TTN: variants seen among roughly 807,000 people sequenced by gnomAD.
TTN encodes the protein titin.
TTN carries 1,525 observed loss-of-function variants against 3,223.0 expected under a neutral mutation model. That is an observed-to-expected ratio of 0.47 (90% CI 0.45 to 0.49). TTN has a LOEUF of 0.49. Ranked by LOEUF, TTN falls within the 20% of genes least tolerant of loss-of-function variation. TTN has a pLI of 0.00. For synonymous variants in TTN, 14,094 were observed against 15,161.0 expected, an observed-to-expected ratio of 0.93 and a Z score of 5.17; for missense variants, 40,786 against 43,424.0, an observed-to-expected ratio of 0.94 and a Z score of 5.40.
Position 178,593,708 on chromosome 2 carries a change from G to A in TTN, c.58592C>T (p.Thr19531Ile), listed in dbSNP as rs1258679826. ...GCATGTTGTTTTAGCACTTGCAGATGTCACTGGCATCCAGACGTCTTTACC... is the reference window on the plus strand; with the variant it reads ...GCATGTTGTTTTAGCACTTGCAGATATCACTGGCATCCAGACGTCTTTACC... The part of the protein sequence containing the change: ...EVGKDVWMPV[T>I]SASAKTTCKV... Residue 19531 changes from threonine (T) to isoleucine (I), a missense_variant, in exon 298 of 363, where the codon ACA (threonine) becomes ATA (isoleucine). Transcript: ENST00000589042. 1.2e-6 allele frequency: 2 copies of A among 1,613,308 alleles called. No individual in the cohort carries two copies. Among genetic ancestry groups the A allele is most frequent in the Middle Eastern group, 1.7e-4 (1 of 6,054 alleles).
chr2:178,730,954 C>G lies in TTN; in HGVS notation c.17711G>C (p.Ser5904Thr). 6.2e-7 allele frequency: 1 copy of G among 1,609,742 alleles called. No individual in the cohort carries two copies. The highest frequency in any genetic ancestry group is 1.3e-5 in the African/African-American group (1 of 74,848). Reference sequence around the variant, plus strand: ...TACATTAATTCTAGCCTTGCAGCTGCTCCTCCCAACATCATTTTGGACCTC... The same window carrying G: ...TACATTAATTCTAGCCTTGCAGCTGGTCCTCCCAACATCATTTTGGACCTC... Reference protein sequence around the residue: ...TFEVQNDVGRSSCKARINVLD... With the variant: ...TFEVQNDVGRTSCKARINVLD... The change falls in exon 60 of 363, where the codon AGC (serine) becomes ACC (threonine). Residue 5904 changes from serine to threonine, a missense_variant. By Grantham distance (58) the Ser-to-Thr change is moderately conservative. Coordinates refer to ENST00000589042, the MANE Select transcript of TTN (RefSeq NM_001267550.2).
Position 178,590,377 on chromosome 2 carries a change from C to A in TTN, c.61348G>T (p.Ala20450Ser). Residue 20450 changes from alanine (A) to serine (S), a missense_variant, in exon 304 of 363, where the codon GCT becomes TCT. Transcript: ENST00000589042. The stretch of plus-strand genomic sequence containing the variant: ...GGCTCACCCTCTCCTACAATATTAG[C>A]TGCCTTTATACGGAATCTGTACTCA... ...GNEYRFRIKA[A>S]NIVGEGEPRE... The A allele has an allele frequency of 6.3e-7, 1 of 1,586,870 alleles. No homozygotes were observed. Among genetic ancestry groups the A allele is most frequent in the Admixed American group, 1.7e-5 (1 of 57,162 alleles).
chr2:178,777,344 G>A (rs751486202), intron 26 of TTN, 27 bp from the exon 27 acceptor site: 3 of 1,613,410 alleles, frequency 1.9e-6, no homozygotes, highest in East Asian at 4.5e-5. Context: ...ATGATTTAGA[G>A]GGAGTAAGGC....
chr2:178,750,184 AGATG>A (rs1427056753), intron 47 of TTN: 1 of 1,613,112 alleles, frequency 6.2e-7, no homozygotes, highest in Non-Finnish European at 8.5e-7. Context: ...CTTGACTCAT[AGATG>A]GATGGGCGCC....
chr2:178,771,885 T>C (rs1222546260), intron 33 of TTN, among the ~76,000 whole-genome samples: 1 of 152,152 alleles, frequency 6.6e-6, no homozygotes, highest in Non-Finnish European at 1.5e-5. Flanking sequence ...ATGTTTCTAC[T>C]ACATTGAGGA....
In TTN at chr2:178,548,380, T is replaced by G; in HGVS notation, c.93246A>C (p.Glu31082Asp). Reference protein sequence around the residue: ...RQIFKVNDLAEGVPYYFRVSA... With the variant: ...RQIFKVNDLADGVPYYFRVSA... ...AAACACGGAAATAGTACGGAACACC[T>G]TCGGCCAGGTCATTGACCTTGAAGA... The change falls in exon 339 of 363, where the codon GAA becomes GAC. Residue 31082 changes from glutamate to aspartate, a missense_variant. Physicochemically the swap from Glu to Asp is conservative, Grantham distance 45. Transcript: ENST00000589042. This position sits in a 1 kb window ranked among gnomAD's most constrained non-coding sequence, Gnocchi z 4.3. 1 of 1,613,864 alleles carries G rather than the reference T, an allele frequency of 6.2e-7. No homozygotes were observed. The highest frequency in any genetic ancestry group is 1.3e-5 in the African/African-American group (1 of 75,028).
intron 47 of TTN, chr2:178,749,492 T>C: frequency 1.2e-6 from 2 of 1,612,910 alleles, no homozygotes; most frequent in Non-Finnish European, 1.7e-6. Context: ...CCTTACTGAA[T>C]ATTCTTTTAC....
chr2:178,531,355 G>A lies in TTN; in HGVS notation c.105260C>T (p.Thr35087Met), dbSNP rs397517795. 69 of 1,613,980 alleles carry A rather than the reference G, an allele frequency of 4.3e-5. 1 individual carries two copies. Among genetic ancestry groups the A allele is most frequent in the East Asian group, 2.2e-4 (10 of 44,884 alleles). Residue 35087 changes from threonine (T) to methionine (M), a missense_variant, in exon 358 of 363, where the codon ACG (threonine) becomes ATG (methionine). By Grantham distance (81) the Thr-to-Met change is moderately conservative (BLOSUM62 -1). Transcript: ENST00000589042. ...TGAGGAGAGACTTTCCCTTGTCTCC[G>A]TCATCTGTGATTTCACTTCCCTGAC... is the stretch of plus-strand genomic sequence containing the variant. ...SSVREVKSQMTETRESLSSYE... is the reference protein window; with the variant it reads ...SSVREVKSQMMETRESLSSYE...
rs374474227 is a variant in TTN at position 178,551,188 on chromosome 2, C to T, written c.91343G>A (p.Arg30448His). The T allele has an allele frequency of 6.9e-5, 111 of 1,613,396 alleles. No individual in the cohort carries two copies. Among genetic ancestry groups the T allele is most frequent in the South Asian group, 2.9e-4 (26 of 91,076 alleles). ...TITLKWNPPL[R>H]DGGSKIVGYS... ...GCCCACAATCTTACTGCCTCCATCA[C>T]GCAATGGTGGGTTCCATTTAAGTGT... Residue 30448 changes from arginine (R) to histidine (H), a missense_variant, in exon 336 of 363, where the codon CGT (arginine) becomes CAT (histidine). Transcript: ENST00000589042.
intron 78 of TTN, 23 bp from the exon 79 acceptor site, chr2:178,721,225 C>A: frequency 6.5e-7 from 1 of 1,545,826 alleles, no homozygotes; most frequent in South Asian, 1.2e-5. Flanking sequence ...ACAAAACAGT[C>A]AGTAAGGGAT....
In TTN at chr2:178,654,114, T is replaced by C; in HGVS notation, c.38381-19A>G. On this transcript the variant is annotated intron_variant, in intron 193 of 362. Transcript: ENST00000589042. ...TCAGGCACTTGAAAGATATTAGTATTTTTATAATTTATGAATGGCGAAGGT... is the reference window on the plus strand; with the variant it reads ...TCAGGCACTTGAAAGATATTAGTATCTTTATAATTTATGAATGGCGAAGGT... 1 of 1,594,294 alleles carries C rather than the reference T, an allele frequency of 6.3e-7. No individual in the cohort carries two copies. The highest frequency in any genetic ancestry group is 2.2e-5 in the East Asian group (1 of 44,726).
At chr2:178,792,026 G>A (rs1446287428) in intron 10 of TTN, 46 bp downstream of exon 10, 1 of 1,598,508 alleles carries the variant, frequency 6.3e-7, no homozygotes, top group Non-Finnish European at 8.5e-7. Context: ...TGGCTGTAAT[G>A]TGATATTGTC....
intron 282 of TTN, among the ~76,000 whole-genome samples, chr2:178,603,491 G>A (rs1291311472): frequency 1.3e-5 from 2 of 151,878 alleles, no homozygotes; most frequent in Non-Finnish European, 2.9e-5. Flanking sequence ...TCTGTTTTTT[G>A]TTGAATTCCT....
chr2:178,752,828 A>C (rs1314675124), intron 47 of TTN, among the ~76,000 whole-genome samples: 1 of 152,076 alleles, frequency 6.6e-6, no homozygotes, highest in African/African-American at 2.4e-5. Context: ...TCATGCATTA[A>C]GATGACAACT....
Position 178,563,387 on chromosome 2 carries a change from G to A in TTN, c.82745C>T (p.Thr27582Ile). ...TGCCAGGGAGACAGAAGATCTGGAA[G>A]TGTCCGTCACTTTTGGATTGCTTGG... ...GPPSNPKVTD[T>I]SRSSVSLAWS... The change falls in exon 326 of 363, where the codon ACT becomes ATT. Residue 27582 changes from threonine (T) to isoleucine (I), a missense_variant. Transcript: ENST00000589042. This position sits in a 1 kb window ranked among gnomAD's most constrained non-coding sequence, Gnocchi z 4.5. 1 of 1,613,542 alleles carries A rather than the reference G, an allele frequency of 6.2e-7. No individual in the cohort carries two copies. Among genetic ancestry groups the A allele is most frequent in the Non-Finnish European group, 8.5e-7 (1 of 1,179,708 alleles).
At chr2:178,702,395 T>C in intron 107 of TTN, 59 bp downstream of exon 107, 1 of 1,609,608 alleles carries the variant, frequency 6.2e-7, no homozygotes, top group Non-Finnish European at 8.5e-7. Flanking sequence ...AGGGTAGAAA[T>C]ACAGAAAACA....
Position 178,607,949 on chromosome 2 carries a change from G to A in TTN, c.52838C>T (p.Thr17613Ile). The A allele has an allele frequency of 6.2e-7, 1 of 1,612,924 alleles. No individual in the cohort carries two copies. The highest frequency in any genetic ancestry group is 8.5e-7 in the Non-Finnish European group (1 of 1,179,266). ...CTCTGTGCAGCGTGACCATTCATTT[G>A]TGCCAACCAACTGCTTATCAACAAA... ...GYFVDKQLVG[T>I]NEWSRCTEKM... Residue 17613 changes from threonine (T) to isoleucine (I), a missense_variant, in exon 276 of 363, where the codon ACA becomes ATA. Transcript: ENST00000589042.
intron 47 of TTN, chr2:178,752,053 A>AAC (rs1561047610): frequency 1.9e-6 from 3 of 1,587,290 alleles, no homozygotes; most frequent in African/African-American, 2.7e-5. Context: ...GAAAAAAAAA[A>AAC]AAAAACCTTT....
chr2:178,768,373 C>G (rs573464467), intron 38 of TTN, among the ~76,000 whole-genome samples: 1 of 152,186 alleles, frequency 6.6e-6, no homozygotes, highest in Non-Finnish European at 1.5e-5. Flanking sequence ...ATTGTCTCCC[C>G]TGTAGACCTA....
Sources: gnomAD v4.1 joint callset for allele counts (sites outside exome capture counted in the v4.1 genomes callset) on GRCh38, gnomAD v4.1.1 for gene constraint, Gnocchi (gnomAD v3.1) non-coding constraint, MANE v1.5 for transcripts, NCBI Gene and HGNC (gene_info 2026-07-23, HGNC 2026-07-21) for gene names.